ABLIM1: variants seen among roughly 807,000 people sequenced by gnomAD.
ABLIM1 encodes actin-binding LIM protein 1.
ABLIM1 carries 40 observed loss-of-function variants against 107.0 expected under a neutral mutation model. The observed-to-expected ratio is 0.37, with a 90% CI of 0.29 to 0.49. ABLIM1 has a LOEUF of 0.49. Among genes scored for constraint, ABLIM1 ranks in the 20% least tolerant of loss-of-function variants. The pLI is 0.97. For missense variants in ABLIM1, 857 were observed against 1,008.5 expected (o/e 0.85, Z 2.04); for synonymous variants, 357 against 357.3 (o/e 1.00, Z 0.01).
intron 1 of ABLIM1, among the ~76,000 whole-genome samples, chr10:114,667,757 A>G (rs188735034): frequency 5.1e-4 from 78 of 152,266 alleles, no homozygotes; most frequent in African/African-American, 1.8e-3. Context: ...TATAAATAGA[A>G]CCATCCAGTA....
At chr10:114,791,665 AAAC>A in the ABLIM1 span, among the ~76,000 whole-genome samples, 9 of 151,934 alleles carry the variant, frequency 5.9e-5, no homozygotes, top group Admixed American at 1.3e-4. Context: ...CAAGAAAACA[AAAC>A]AACAACAACA....
intron 6 of ABLIM1, among the ~76,000 whole-genome samples, chr10:114,508,931 A>T (rs2135928083): frequency 6.6e-6 from 1 of 152,366 alleles, no homozygotes; most frequent in South Asian, 2.1e-4. Flanking sequence ...TTTTCAGTTT[A>T]TAAAGTACTT....
intron 1 of ABLIM1, among the ~76,000 whole-genome samples, chr10:114,697,772 A>G (rs1387369881): frequency 6.6e-6 from 1 of 152,184 alleles, no homozygotes; most frequent in Non-Finnish European, 1.5e-5. Flanking sequence ...TCAAGTTTTA[A>G]GCTTGGTTCT....
At chr10:114,614,919 G>A (rs1484977856) in intron 1 of ABLIM1, among the ~76,000 whole-genome samples, 1 of 151,662 alleles carries the variant, frequency 6.6e-6, no homozygotes, top group African/African-American at 2.4e-5. Flanking sequence ...GTGTGGTGGT[G>A]CGCACCTGTA....
chr10:114,606,185 C>T (rs2076396120), intron 1 of ABLIM1, among the ~76,000 whole-genome samples: 2 of 152,174 alleles, frequency 1.3e-5, no homozygotes, highest in African/African-American at 4.8e-5. Context: ...TAAAAATCTC[C>T]TTAGCAGTAG....
chr10:114,525,124 C>T (rs73357372), intron 6 of ABLIM1, among the ~76,000 whole-genome samples: 2,152 of 152,306 alleles, frequency 0.014, 69 homozygotes, highest in African/African-American at 0.05. Context: ...GTGCTACTGT[C>T]GCCTGGTGTG....
intron 6 of ABLIM1, among the ~76,000 whole-genome samples, chr10:114,514,348 T>A (rs973873626): frequency 1.3e-5 from 2 of 151,948 alleles, no homozygotes; most frequent in Non-Finnish European, 2.9e-5. Context: ...TTATCAGCTG[T>A]TTTTGTAATT....
rs181221724 is a variant in ABLIM1, at chr10:114,758,526, T to C, written c.-213+9535A>G. 3.2e-4 allele frequency among the ~76,000 whole-genome samples: 48 copies of C among 152,322 alleles called. No individual in the cohort carries two copies. In the East Asian group the frequency reaches 7.5e-3, roughly 24 times the overall value. On this transcript the variant is annotated intron_variant, in intron 1 of 15. Coordinates refer to the ABLIM1 transcript ENST00000651092. ...GATTGCCAACCCCAAACCTCTTTTCTACATTTTTTTGACTTTTAAAAATTA... is the reference window on the plus strand; with the variant it reads ...GATTGCCAACCCCAAACCTCTTTTCCACATTTTTTTGACTTTTAAAAATTA...
intron 1 of ABLIM1, among the ~76,000 whole-genome samples, chr10:114,699,486 G>C (rs1173692918): frequency 6.6e-6 from 1 of 152,078 alleles, no homozygotes; most frequent in African/African-American, 2.4e-5. Context: ...TAAAAGTAAG[G>C]TGTCTTCTGA....
chr10:114,717,987 AAAGAAAGG>A (rs1342096936), intron 1 of ABLIM1, among the ~76,000 whole-genome samples: 150 of 101,994 alleles, frequency 1.5e-3, no homozygotes, highest in African/African-American at 5.1e-3. Context: ...AGAAAGAAAG[AAAGAAAGG>A]AAGGAAGGAA....
At chr10:114,710,856 C>T (rs1046112476) in intron 1 of ABLIM1, among the ~76,000 whole-genome samples, 2 of 152,182 alleles carry the variant, frequency 1.3e-5, no homozygotes, top group Non-Finnish European at 2.9e-5. Context: ...ACACAAGGGA[C>T]CATATTTGCA....
chr10:114,643,579 C>CTTT (rs34191046), intron 1 of ABLIM1, among the ~76,000 whole-genome samples: 22 of 136,738 alleles, frequency 1.6e-4, no homozygotes, highest in South Asian at 7.1e-4. Flanking sequence ...TATCCAGATT[C>CTTT]TTTTTTTTTT....
chr10:114,608,506 C>A (rs1310205474), intron 1 of ABLIM1, among the ~76,000 whole-genome samples: 2 of 151,610 alleles, frequency 1.3e-5, no homozygotes, highest in Non-Finnish European at 2.9e-5. Context: ...CCTGTCTCTA[C>A]TGAAAATACA....
At chr10:114,759,838 A>G (rs1290326141) in intron 1 of ABLIM1, among the ~76,000 whole-genome samples, 1 of 152,200 alleles carries the variant, frequency 6.6e-6, no homozygotes, top group Non-Finnish European at 1.5e-5. Flanking sequence ...GGATAGCCCC[A>G]GTATACACCT....
intron 1 of ABLIM1, among the ~76,000 whole-genome samples, chr10:114,767,207 A>C (rs1235552221): frequency 1.3e-5 from 2 of 152,154 alleles, no homozygotes; most frequent in African/African-American, 4.8e-5. Context: ...AAATAAAAAA[A>C]CAACTCCGCA....
the ABLIM1 span, among the ~76,000 whole-genome samples, chr10:114,789,234 G>A: frequency 5.7e-3 from 872 of 152,044 alleles, 35 homozygotes; most frequent in Admixed American, 0.049. Context: ...CAGCCTGGGC[G>A]ACGGAACAAG....
chr10:114,459,118 G>A (rs1257006229), intron 12 of ABLIM1, among the ~76,000 whole-genome samples: 1 of 152,238 alleles, frequency 6.6e-6, no homozygotes, highest in Non-Finnish European at 1.5e-5. Context: ...GCAAAAACAA[G>A]GAACAGGAAG....
upstream of ABLIM1, among the ~76,000 whole-genome samples, chr10:114,769,413 AG>A (rs1566323910): frequency 1.1e-4 from 8 of 75,562 alleles, no homozygotes; most frequent in African/African-American, 3.6e-4. Flanking sequence ...AAAGAAAGAA[AG>A]AAAAGAAGGA....
rs111898454 is a variant in ABLIM1 at position 114,724,650 on chromosome 10, T to A, written c.-213+43411A>T. Among the ~76,000 whole-genome samples the A allele has an allele frequency of 4.0e-3, 612 of 152,250 alleles. 5 individuals are homozygous for A. The highest frequency in any genetic ancestry group is 0.014 in the African/African-American group (595 of 41,520). Reference sequence around the variant, plus strand: ...TCAAGGCCTTCCAAGGTGAAGATGGTCCCACCCTAATAAAGGCCAGGAGAG... The same window carrying A: ...TCAAGGCCTTCCAAGGTGAAGATGGACCCACCCTAATAAAGGCCAGGAGAG... On this transcript the variant is annotated intron_variant, in intron 1 of 15. Coordinates refer to the ABLIM1 transcript ENST00000651092.
Sources: allele counts gnomAD v4.1 joint callset (sites outside exome capture counted in the v4.1 genomes callset), GRCh38; gene constraint gnomAD v4.1.1; transcripts MANE v1.5; gene names NCBI Gene and HGNC (gene_info 2026-07-23, HGNC 2026-07-21).